The following MAST4 variants were observed in gnomAD, a reference collection of about 807,000 sequenced individuals.
MAST4 encodes microtubule-associated serine/threonine-protein kinase 4.
MAST4 carries 89 observed loss-of-function variants against 162.7 expected under a neutral mutation model. The ratio of observed to expected loss-of-function variants is 0.55; its 90% CI spans 0.46 to 0.65. The LOEUF (loss-of-function observed/expected upper bound fraction) is 0.65, where lower values mean the gene tolerates loss of function less well. Among genes scored for constraint, MAST4 ranks in the 30% least tolerant of loss-of-function variants. The pLI is 0.00. For synonymous variants in MAST4, 1,479 were observed against 1,361.1 expected (o/e 1.09, Z -1.91); for missense variants, 3,153 against 3,374.0 (o/e 0.93, Z 1.62).
At chr5:66,957,100 T>A (rs2150146715) in intron 4 of MAST4, among the ~76,000 whole-genome samples, 1 of 152,328 alleles carries the variant, frequency 6.6e-6, no homozygotes, top group African/African-American at 2.4e-5. Context: ...GAACTGAAGT[T>A]TACTTCAGAA....
chr5:66,946,009 C>T (rs1184596859), intron 4 of MAST4, among the ~76,000 whole-genome samples: 1 of 152,158 alleles, frequency 6.6e-6, no homozygotes, highest in Non-Finnish European at 1.5e-5. Flanking sequence ...CAGCCTCTCT[C>T]TTTCTCTTCT....
intron 4 of MAST4, among the ~76,000 whole-genome samples, chr5:67,048,627 A>T (rs1757671746): frequency 6.6e-6 from 1 of 152,132 alleles, no homozygotes; most frequent in African/African-American, 2.4e-5. Context: ...AGTGATAGTA[A>T]ATATTTGAGG....
intron 26 of MAST4, among the ~76,000 whole-genome samples, chr5:67,159,622 C>T (rs1772958115): frequency 6.6e-6 from 1 of 152,112 alleles, no homozygotes; most frequent in East Asian, 1.9e-4. Context: ...CAGGTTTCTC[C>T]CCTGGTTATT....
intron 3 of MAST4, among the ~76,000 whole-genome samples, chr5:66,796,553 C>T (rs936769196): frequency 5.9e-5 from 9 of 152,134 alleles, no homozygotes; most frequent in African/African-American, 2.2e-4. Flanking sequence ...TTCCTGTTAT[C>T]AAAGGTCCAT....
At chr5:66,952,094 G>A (rs1321285112) in intron 4 of MAST4, among the ~76,000 whole-genome samples, 4 of 152,144 alleles carry the variant, frequency 2.6e-5, no homozygotes, top group Non-Finnish European at 5.9e-5. Flanking sequence ...GAGAAGAGGT[G>A]TACAGGTGGC....
chr5:66,698,809 C>G (rs1452363814), intron 1 of MAST4, among the ~76,000 whole-genome samples: 1 of 152,182 alleles, frequency 6.6e-6, no homozygotes, highest in East Asian at 1.9e-4. Flanking sequence ...CCCTAGTGTT[C>G]TTCACATCCC....
intron 5 of MAST4, 99 bp from the exon 6 acceptor site, chr5:67,090,063 A>T: frequency 1.1e-6 from 1 of 899,782 alleles, no homozygotes; most frequent in Non-Finnish European, 1.7e-6. Context: ...AGGACATTCT[A>T]CAGAAATGTA....
Position 67,142,577 on chromosome 5 carries a change from A to C in MAST4, c.2730+44A>C. On this transcript the variant is annotated intron_variant, in intron 21 of 28. Transcript: ENST00000403625. ...AAACATACAGAGTCTCTCTGGGAGGATCTCCCGCTGGCCAGATAGTATCCC... is the reference window on the plus strand; with the variant it reads ...AAACATACAGAGTCTCTCTGGGAGGCTCTCCCGCTGGCCAGATAGTATCCC... 8 of 1,304,302 alleles carry C rather than the reference A, an allele frequency of 6.1e-6. 1 individual carries two copies. Among genetic ancestry groups the C allele is most frequent in the Non-Finnish European group, 8.7e-6 (8 of 922,436 alleles). 80.8% of individuals were successfully genotyped at this position (1,304,302 alleles called of 1,614,324 possible). A position where few individuals can be genotyped will look rare whatever the true frequency, so the allele number is the denominator to read the frequency against.
intron 11 of MAST4, among the ~76,000 whole-genome samples, 178 bp from the exon 12 acceptor site, chr5:67,113,909 A>C (rs779379588): frequency 1.9e-4 from 29 of 152,262 alleles, no homozygotes; most frequent in Admixed American, 4.6e-4. Context: ...TTAGAATATG[A>C]ATAGGCTTCA....
At chr5:66,977,788 C>T (rs893067804) in intron 4 of MAST4, among the ~76,000 whole-genome samples, 3 of 152,142 alleles carry the variant, frequency 2.0e-5, no homozygotes, top group African/African-American at 4.8e-5. Context: ...AAAACAGAAT[C>T]GAAAGGCTTT....
chr5:67,106,721 G>T (rs1407646998), intron 10 of MAST4, among the ~76,000 whole-genome samples: 1 of 152,136 alleles, frequency 6.6e-6, no homozygotes, highest in Non-Finnish European at 1.5e-5. Flanking sequence ...ATGGCCTGTT[G>T]CTGTGCCCTT....
At chr5:66,639,473 T>C (rs1745343573) in intron 1 of MAST4, among the ~76,000 whole-genome samples, 1 of 152,200 alleles carries the variant, frequency 6.6e-6, no homozygotes, top group African/African-American at 2.4e-5. Context: ...AAAAGCAACA[T>C]GTAACAAATG....
chr5:67,153,516 C>T lies in MAST4; in HGVS notation c.3584C>T (p.Thr1195Ile). The change falls in exon 26 of 29, where the codon ACT (threonine) becomes ATT (isoleucine). Residue 1195 changes from threonine (T) to isoleucine (I), a missense_variant. Coordinates refer to ENST00000403625, the MANE Select transcript of MAST4 (RefSeq NM_001164664.2). Reference sequence around the variant, plus strand: ...GGACTGAAGGCTGGAGATCTTATCACTCACATCAATGGAGAACCAGTGCAT... The same window carrying T: ...GGACTGAAGGCTGGAGATCTTATCATTCACATCAATGGAGAACCAGTGCAT... ...QAGLKAGDLI[T>I]HINGEPVHGL... The T allele has an allele frequency of 1.2e-6, 2 of 1,602,550 alleles. No individual in the cohort carries two copies. Among genetic ancestry groups the T allele is most frequent in the South Asian group, 2.3e-5 (2 of 88,518 alleles).
chr5:67,139,465 G>C (rs567477906), intron 19 of MAST4, among the ~76,000 whole-genome samples: 1 of 152,168 alleles, frequency 6.6e-6, no homozygotes, highest in African/African-American at 2.4e-5. Context: ...TTGAGTGGCA[G>C]CCTGACTCCC....
intron 11 of MAST4, among the ~76,000 whole-genome samples, chr5:67,113,313 CAAAA>C (rs34018550): frequency 1.5e-5 from 1 of 67,378 alleles, no homozygotes; most frequent in African/African-American, 6.4e-5. Context: ...GACTCCGTCT[CAAAA>C]AAAAAAAAAA....
chr5:67,163,550 C>A lies in MAST4; in HGVS notation c.4371C>A (p.Asp1457Glu). ...AGCTGTCGCCCTCTTACGGCAGTGA[C>A]AAGAAGCACCTGTGCTCCCGCAAGC... ...EEKLSPSYGS[D>E]KKHLCSRKHS... The change falls in exon 29 of 29, where the codon GAC (aspartate) becomes GAA (glutamate). Residue 1457 changes from aspartate (D) to glutamate (E), a missense_variant. By Grantham distance (45) the Asp-to-Glu change is conservative (BLOSUM62 2). Coordinates refer to ENST00000403625, the MANE Select transcript of MAST4 (RefSeq NM_001164664.2). The surrounding 1 kb of genome is among the most constrained non-coding windows in gnomAD (Gnocchi z 7.0). 6.3e-7 allele frequency: 1 copy of A among 1,598,072 alleles called. No individual in the cohort carries two copies. The highest frequency in any genetic ancestry group is 8.5e-7 in the Non-Finnish European group (1 of 1,172,888).
intron 26 of MAST4, among the ~76,000 whole-genome samples, chr5:67,156,709 T>G (rs1772581599): frequency 6.6e-6 from 1 of 152,196 alleles, no homozygotes; most frequent in South Asian, 2.1e-4. Flanking sequence ...TGGGTTAATG[T>G]GAGGATACAG....
At chr5:66,895,780 GT>G (rs1326450393) in intron 3 of MAST4, among the ~76,000 whole-genome samples, 2 of 152,008 alleles carry the variant, frequency 1.3e-5, no homozygotes, top group African/African-American at 4.8e-5. Context: ...CATTTCTTCT[GT>G]TCTTCAGCCC....
intron 3 of MAST4, among the ~76,000 whole-genome samples, chr5:66,898,574 T>A (rs2149973384): frequency 6.6e-6 from 1 of 152,276 alleles, no homozygotes; most frequent in Non-Finnish European, 1.5e-5. Context: ...TATAATTTCT[T>A]GGAGCTAATC....
Sources: allele counts gnomAD v4.1 joint callset (sites outside exome capture counted in the v4.1 genomes callset), GRCh38; gene constraint gnomAD v4.1.1; non-coding constraint Gnocchi (gnomAD v3.1); transcripts MANE v1.5; gene names NCBI Gene and HGNC (gene_info 2026-07-23, HGNC 2026-07-21).